ATF6: variants seen among roughly 807,000 people sequenced by gnomAD.
ATF6 encodes the protein activating transcription factor 6.
Under a neutral mutation model 83.6 loss-of-function variants are expected in ATF6, and 53 were observed. The ratio of observed to expected loss-of-function variants is 0.63; its 90% CI spans 0.51 to 0.80. The LOEUF (loss-of-function observed/expected upper bound fraction) is 0.80, where lower values mean the gene tolerates loss of function less well. ATF6 is among the 30% of genes least tolerant of loss of function. ATF6 has a pLI of 0.00. For synonymous variants in ATF6, 288 were observed against 285.8 expected (o/e 1.01, Z -0.08); for missense variants, 744 against 797.9 (o/e 0.93, Z 0.81).
rs370025619 is a variant in ATF6 at position 161,792,207 on chromosome 1, C to T, written c.568C>T (p.Pro190Ser). ...CAAGCCTTTATTGCTTCCAGCAGCA[C>T]CCAAGACTCAAACAAACTCCAGTGT... ...QPKPLLLPAA[P>S]KTQTNSSVPA... Residue 190 changes from proline to serine, a missense_variant, in exon 6 of 16, where the codon CCC becomes TCC. Pro to Ser is a moderately conservative substitution (Grantham distance 74). Transcript: ENST00000367942. The T allele has an allele frequency of 6.8e-6, 11 of 1,613,990 alleles. No homozygotes were observed. The highest frequency in any genetic ancestry group is 1.3e-5 in the African/African-American group (1 of 74,904).
intron 12 of ATF6, among the ~76,000 whole-genome samples, chr1:161,854,102 T>C (rs1686703475): frequency 1.3e-5 from 2 of 152,174 alleles, no homozygotes; most frequent in Non-Finnish European, 2.9e-5. Context: ...AATTGAGAAA[T>C]GAGTGACTAG....
chr1:161,854,727 C>G (rs1037574528), intron 12 of ATF6, among the ~76,000 whole-genome samples: 3 of 152,054 alleles, frequency 2.0e-5, no homozygotes, highest in African/African-American at 7.2e-5. Flanking sequence ...AAAAAGTTAG[C>G]CAGGCGTGGT....
chr1:161,906,286 T>G (rs1687876810), intron 14 of ATF6, among the ~76,000 whole-genome samples: 1 of 152,216 alleles, frequency 6.6e-6, no homozygotes, highest in Admixed American at 6.5e-5. Context: ...CCTGAAACTC[T>G]CATGAAAAGA....
At chr1:161,843,388 A>G (rs1686404116) in intron 9 of ATF6, among the ~76,000 whole-genome samples, 1 of 152,114 alleles carries the variant, frequency 6.6e-6, no homozygotes. Flanking sequence ...TTCATCTTTG[A>G]GTCATTAGCA....
chr1:161,896,831 GT>G lies in ATF6; in HGVS notation c.1720-15461del, dbSNP rs746313073. ...TTTAGAGGTGTACTTTTAGCCCCTTGTTTTATAGATGAAGAAATTTAGAATC... is the reference window on the plus strand; with the variant it reads ...TTTAGAGGTGTACTTTTAGCCCCTTGTTTATAGATGAAGAAATTTAGAATC... On this transcript the variant is annotated intron_variant, in intron 14 of 15. Coordinates refer to ENST00000367942, the MANE Select transcript of ATF6 (RefSeq NM_007348.4). Among the ~76,000 whole-genome samples the G allele has an allele frequency of 9.9e-5, 15 of 152,228 alleles. No individual in the cohort carries two copies. The East Asian group carries it at 2.7e-3, about 27-fold the overall frequency.
At position 161,766,548 on chromosome 1, in the gene ATF6, C is replaced by T. The variant is rs900152545; in HGVS notation, c.82+106C>T. The T allele has an allele frequency of 9.1e-6, 9 of 992,454 alleles. No individual in the cohort carries two copies. The African/African-American group carries it at 1.4e-4, about 16-fold the overall frequency. The allele number at this position is 992,454 out of a possible 1,614,324, so 61.5% of individuals were successfully genotyped here. On this transcript the variant is annotated intron_variant, in intron 1 of 15. Coordinates refer to ENST00000367942, the MANE Select transcript of ATF6 (RefSeq NM_007348.4). ...GGTGACAGGTGTGGACCAACCCTGC[C>T]TGGGGAGTGAGGCCCCTCGTCACTC...
intron 10 of ATF6, 144 bp downstream of exon 10, chr1:161,846,724 A>C: frequency 2.5e-6 from 2 of 789,026 alleles, no homozygotes; most frequent in Non-Finnish European, 1.7e-6. Flanking sequence ...CCATTAATAC[A>C]TTTTACTTTT....
chr1:161,948,204 T>C (rs1254435076), intron 15 of ATF6, among the ~76,000 whole-genome samples: 1 of 152,206 alleles, frequency 6.6e-6, no homozygotes, highest in South Asian at 2.1e-4. Context: ...TAGTGACCAC[T>C]ACTAGTTGTT....
At chr1:161,773,153 T>TTTTTTTTTTTTTTA (rs1557952382) in intron 1 of ATF6, among the ~76,000 whole-genome samples, 4 of 150,804 alleles carry the variant, frequency 2.7e-5, no homozygotes, top group East Asian at 1.9e-4. Flanking sequence ...TTTTTTTTTT[T>TTTTTTTTTTTTTTA]GAGACGGAGT....
At chr1:161,939,249 C>A (rs1221957414) in intron 15 of ATF6, among the ~76,000 whole-genome samples, 1 of 152,162 alleles carries the variant, frequency 6.6e-6, no homozygotes, top group Non-Finnish European at 1.5e-5. Context: ...TTGACTCTTT[C>A]TCTTCTCCCA....
chr1:161,774,034 C>T (rs1684458950), intron 1 of ATF6, among the ~76,000 whole-genome samples: 1 of 152,178 alleles, frequency 6.6e-6, no homozygotes, highest in Non-Finnish European at 1.5e-5. Context: ...TCCTTTTTCA[C>T]ATCTGAAAGT....
chr1:161,911,494 G>A (rs990126270), intron 14 of ATF6, among the ~76,000 whole-genome samples: 2 of 152,288 alleles, frequency 1.3e-5, no homozygotes, highest in South Asian at 2.1e-4. Context: ...CTTGTGTGCT[G>A]GAAATTAGAA....
intron 8 of ATF6, among the ~76,000 whole-genome samples, chr1:161,820,674 G>A (rs925223694): frequency 6.6e-6 from 1 of 152,058 alleles, no homozygotes; most frequent in Non-Finnish European, 1.5e-5. Context: ...CTTGAACCTG[G>A]GAGGCGGAGA....
intron 15 of ATF6, among the ~76,000 whole-genome samples, chr1:161,955,003 T>C (rs1688937599): frequency 6.6e-6 from 1 of 152,212 alleles, no homozygotes; most frequent in South Asian, 2.1e-4. Context: ...TGGTCTTTTT[T>C]CATTAAGTAT....
chr1:161,953,604 C>A (rs1262923533), intron 15 of ATF6, among the ~76,000 whole-genome samples: 1 of 152,158 alleles, frequency 6.6e-6, no homozygotes, highest in Non-Finnish European at 1.5e-5. Flanking sequence ...TCCTGAATCT[C>A]TCCTGTCAGA....
At chr1:161,930,377 T>C (rs1415822049) in intron 15 of ATF6, among the ~76,000 whole-genome samples, 2 of 152,230 alleles carry the variant, frequency 1.3e-5, no homozygotes, top group African/African-American at 4.8e-5. Flanking sequence ...ATGAGAGCCA[T>C]TTTAGTTTTC....
chr1:161,894,974 C>T (rs1299750071), intron 14 of ATF6, among the ~76,000 whole-genome samples: 1 of 152,090 alleles, frequency 6.6e-6, no homozygotes, highest in Non-Finnish European at 1.5e-5. Flanking sequence ...TGCAGTGGCT[C>T]ATGCCTGTAA....
intron 7 of ATF6, among the ~76,000 whole-genome samples, chr1:161,807,008 C>T (rs1252206588): frequency 1.3e-5 from 2 of 151,930 alleles, no homozygotes; most frequent in African/African-American, 4.8e-5. Context: ...GGAGAATCTA[C>T]CATGTGTATA....
intron 9 of ATF6, among the ~76,000 whole-genome samples, chr1:161,829,931 A>T (rs1202288953): frequency 2.0e-5 from 3 of 152,094 alleles, no homozygotes; most frequent in African/African-American, 7.2e-5. Flanking sequence ...CCTATTCAAC[A>T]TAGTGTTGGA....
Sources: gnomAD v4.1 joint callset for allele counts (sites outside exome capture counted in the v4.1 genomes callset) on GRCh38, gnomAD v4.1.1 for gene constraint, MANE v1.5 for transcripts, NCBI Gene and HGNC (gene_info 2026-07-23, HGNC 2026-07-21) for gene names.